The following ARHGEF12 variants were observed in gnomAD, a reference collection of about 807,000 sequenced individuals.
The protein encoded by ARHGEF12 is Rho guanine nucleotide exchange factor 12, also known as KMT2A/ARHGEF12 fusion protein.
A neutral mutation model predicts 211.2 loss-of-function variants in ARHGEF12; 66 were observed. The ratio of observed to expected loss-of-function variants is 0.31; its 90% CI spans 0.26 to 0.38. The LOEUF (loss-of-function observed/expected upper bound fraction) is 0.38. Ranked by LOEUF, ARHGEF12 falls within the 10% of genes least tolerant of loss-of-function variation. The pLI is 1.00. For synonymous variants in ARHGEF12, 592 were observed against 638.4 expected (o/e 0.93, Z 1.09); for missense variants, 1,429 against 1,869.5 (o/e 0.76, Z 4.34).
At position 120,451,578 on chromosome 11, in the gene ARHGEF12, G is replaced by A; in HGVS notation, c.1910G>A (p.Ser637Asn). The change falls in exon 22 of 41, where the codon AGT becomes AAT. Residue 637 changes from serine to asparagine, a missense_variant. Physicochemically the swap from Ser to Asn is conservative, Grantham distance 46. Around this residue, in one of 7 missense-constraint regions of ARHGEF12, gnomAD observed 373 missense variants for 467.5 expected, o/e 0.80. Coordinates refer to ENST00000397843, the MANE Select transcript of ARHGEF12 (RefSeq NM_015313.3). ...PKHLSTPSSV[S>N]PEPQDSAKLR... Reference sequence around the variant, plus strand: ...CACTTATCCACACCCTCATCTGTGAGTCCTGAACCTCAGGACTCTGCCAAG... The same window carrying A: ...CACTTATCCACACCCTCATCTGTGAATCCTGAACCTCAGGACTCTGCCAAG... The A allele has an allele frequency of 1.2e-6, 2 of 1,614,194 alleles. No individual in the cohort carries two copies. Among genetic ancestry groups the A allele is most frequent in the Non-Finnish European group, 1.7e-6 (2 of 1,180,036 alleles).
At chr11:120,431,521 T>C (rs934984308) in intron 10 of ARHGEF12, among the ~76,000 whole-genome samples, 2 of 152,204 alleles carry the variant, frequency 1.3e-5, no homozygotes, top group Non-Finnish European at 2.9e-5. Flanking sequence ...ATTTAGAAGT[T>C]TGAACTTACA....
intron 1 of ARHGEF12, among the ~76,000 whole-genome samples, chr11:120,382,087 A>G (rs1943893652): frequency 6.6e-6 from 1 of 152,182 alleles, no homozygotes; most frequent in Non-Finnish European, 1.5e-5. Flanking sequence ...TCATTCCCCC[A>G]TTAAAGGCCA....
intron 21 of ARHGEF12, 166 bp downstream of exon 21, chr11:120,449,380 C>T: frequency 3.4e-6 from 2 of 590,684 alleles, no homozygotes; most frequent in Non-Finnish European, 6.0e-6. Context: ...ACTAAGTACC[C>T]CCTATGTTGC....
chr11:120,437,290 T>C lies in ARHGEF12; in HGVS notation c.925-18T>C, dbSNP rs747633019. On this transcript the variant is annotated intron_variant, in intron 11 of 40. Transcript: ENST00000397843. ...TGTGCCTATTGAAATGAACTGAAGATCTTGTTTTTTTCATTAGAGTCCCAA... is the reference window on the plus strand; with the variant it reads ...TGTGCCTATTGAAATGAACTGAAGACCTTGTTTTTTTCATTAGAGTCCCAA... 9 of 1,580,264 alleles carry C rather than the reference T, an allele frequency of 5.7e-6. No individual in the cohort carries two copies. Among genetic ancestry groups the C allele is most frequent in the Non-Finnish European group, 7.8e-6 (9 of 1,159,042 alleles).
chr11:120,359,000 G>T (rs1943206211), intron 1 of ARHGEF12, among the ~76,000 whole-genome samples: 1 of 152,094 alleles, frequency 6.6e-6, no homozygotes, highest in Non-Finnish European at 1.5e-5. Flanking sequence ...GGAAGCCCTA[G>T]CTCCTCTGTT....
intron 27 of ARHGEF12, among the ~76,000 whole-genome samples, 199 bp downstream of exon 27, chr11:120,460,956 T>A (rs750946428): frequency 2.6e-5 from 4 of 152,188 alleles, no homozygotes; most frequent in Admixed American, 1.3e-4. Context: ...CCTTATCCAT[T>A]AAAAGTCATA....
chr11:120,380,601 C>T (rs953715920), intron 1 of ARHGEF12, among the ~76,000 whole-genome samples: 11 of 152,192 alleles, frequency 7.2e-5, no homozygotes, highest in Admixed American at 3.3e-4. Flanking sequence ...CTTTTCCTCT[C>T]ATCAGGGGTG....
At chr11:120,432,164 C>T (rs757482404) in intron 11 of ARHGEF12, among the ~76,000 whole-genome samples, 15 of 152,200 alleles carry the variant, frequency 9.9e-5, no homozygotes, top group Non-Finnish European at 1.8e-4. Flanking sequence ...CAGCAGGCAT[C>T]TTGTTCGTGG....
At chr11:120,458,403 T>C in intron 25 of ARHGEF12, 169 bp downstream of exon 25, 1 of 636,656 alleles carries the variant, frequency 1.6e-6, no homozygotes, top group South Asian at 2.2e-5. Flanking sequence ...AATGCAAATG[T>C]TTCTCTGATT....
rs1205299388 is a variant in ARHGEF12 at position 120,457,188 on chromosome 11, T to C, written c.2127T>C (p.Thr709=). 2 of 1,613,998 alleles carry C rather than the reference T, an allele frequency of 1.2e-6. No individual in the cohort carries two copies. Among genetic ancestry groups the C allele is most frequent in the Admixed American group, 1.7e-5 (1 of 59,992 alleles). Residue 709 remains threonine, a synonymous_variant, in exon 23 of 41, where the codon ACT becomes ACC. Transcript: ENST00000397843. Reference sequence around the variant, plus strand: ...ATGGCACACCTCGTACTCTCAATACTGTCTTTGATTTCCCACCACCTCCAT... The same window carrying C: ...ATGGCACACCTCGTACTCTCAATACCGTCTTTGATTTCCCACCACCTCCAT... ...TLDGTPRTLN[T]VFDFPPPPLD...
At chr11:120,426,683 TGTGA>T (rs911955487) in intron 7 of ARHGEF12, among the ~76,000 whole-genome samples, 3 of 152,222 alleles carry the variant, frequency 2.0e-5, no homozygotes, top group African/African-American at 7.2e-5. Context: ...TTATAACACT[TGTGA>T]GTATTATACA....
rs1334983943 is a variant in ARHGEF12, at chr11:120,337,263, C to T, written c.20C>T (p.Thr7Ile). 1.2e-6 allele frequency: 2 copies of T among 1,614,204 alleles called. No individual in the cohort carries two copies. The highest frequency in any genetic ancestry group is 1.1e-5 in the South Asian group (1 of 91,078). Reference protein sequence around the residue: MSGTQSTITDRFPLKKP... With the variant: MSGTQSIITDRFPLKKP... ...GCCCCAATGAGTGGCACACAGTCTA[C>T]TATCACCGACAGGTTGGTATGAATT... is the stretch of plus-strand genomic sequence containing the variant. The change falls in exon 1 of 41, where the codon ACT (threonine) becomes ATT (isoleucine). Residue 7 changes from threonine to isoleucine, a missense_variant. Coordinates refer to ENST00000397843, the MANE Select transcript of ARHGEF12 (RefSeq NM_015313.3).
In ARHGEF12 at chr11:120,469,290, T is replaced by C; in HGVS notation, c.2857T>C (p.Trp953Arg). The change falls in exon 30 of 41, where the codon TGG becomes CGG. Residue 953 changes from tryptophan (W) to arginine (R), a missense_variant and splice_region_variant. Physicochemically the swap from Trp to Arg is moderately radical, Grantham distance 101. This residue lies in a region of ARHGEF12 where 223 missense variants were observed against 444.6 expected (regional missense o/e 0.50). Transcript: ENST00000397843. ...TTGGATTTCTTTCCCATATTTAGAA[T>C]GGCCAACAGAAAGGGAGAAGGTGAA... ...LLDNIAKYTE[W>R]PTEREKVKKA... 1 of 1,608,816 alleles carries C rather than the reference T, an allele frequency of 6.2e-7. No homozygotes were observed. Among genetic ancestry groups the C allele is most frequent in the African/African-American group, 1.3e-5 (1 of 74,664 alleles).
chr11:120,433,762 T>C (rs1253045046), intron 11 of ARHGEF12, among the ~76,000 whole-genome samples: 1 of 152,116 alleles, frequency 6.6e-6, no homozygotes, highest in Non-Finnish European at 1.5e-5. Context: ...AAAACCAGCC[T>C]GGCCAACATA....
intron 1 of ARHGEF12, among the ~76,000 whole-genome samples, chr11:120,367,469 G>A (rs1398806054): frequency 2.8e-5 from 4 of 144,804 alleles, no homozygotes; most frequent in Non-Finnish European, 4.5e-5. Flanking sequence ...GGGTTCAAGC[G>A]ATTCTCCTGC....
chr11:120,347,190 T>TTCTTTCTTTCTTTCTTTCTTTC (rs1371137316), intron 1 of ARHGEF12, among the ~76,000 whole-genome samples: 1 of 141,210 alleles, frequency 7.1e-6, no homozygotes, highest in Non-Finnish European at 1.5e-5. Context: ...CTTCCTTTCT[T>TTCTTTCTTTCTTTCTTTCTTTC]TCTTTCTTTC....
intron 39 of ARHGEF12, among the ~76,000 whole-genome samples, chr11:120,482,380 T>C (rs1003958803): frequency 1.3e-5 from 2 of 152,100 alleles, no homozygotes; most frequent in Non-Finnish European, 2.9e-5. Flanking sequence ...TTTTTGTAGA[T>C]TGGTAATTGA....
intron 12 of ARHGEF12, chr11:120,438,556 T>C (rs1945767867): frequency 6.6e-6 from 1 of 152,166 alleles, no homozygotes; most frequent in Non-Finnish European, 1.5e-5. Flanking sequence ...GTTGCAACAC[T>C]AGGAGGAAAA....
rs571853447 is a variant in ARHGEF12 at position 120,373,772 on chromosome 11, T to C, written c.33-32346T>C. ...TGATAATGGTGGCAATTTAAGAAAC[T>C]ACTTTGAGAAAATAATTAAAATATG... On this transcript the variant is annotated intron_variant, in intron 1 of 40. Transcript: ENST00000397843. Among the ~76,000 whole-genome samples, 6 of 152,344 alleles carry C rather than the reference T, an allele frequency of 3.9e-5. No homozygotes were observed. In the South Asian group the frequency reaches 1.0e-3, roughly 26 times the overall value.
Sources: allele counts gnomAD v4.1 joint callset (sites outside exome capture counted in the v4.1 genomes callset), GRCh38; gene constraint gnomAD v4.1.1; regional missense constraint gnomAD v4.1.1; transcripts MANE v1.5; gene names NCBI Gene and HGNC (gene_info 2026-07-23, HGNC 2026-07-21).